The following CHRFAM7A variants were observed in gnomAD, a reference collection of about 807,000 sequenced individuals.
CHRFAM7A encodes CHRNA7 (exons 5-10) and FAM7A (exons A-E) fusion.
Under a neutral mutation model 29.2 loss-of-function variants are expected in CHRFAM7A, and 3 were observed. That is an observed-to-expected ratio of 0.10 (90% CI 0.05 to 0.27). The LOEUF (loss-of-function observed/expected upper bound fraction) is 0.27. Ranked by LOEUF, CHRFAM7A falls within the 10% of genes least tolerant of loss-of-function variation. The probability of loss-of-function intolerance (pLI) is 1.00; values close to 1 mark genes in which losing one functional copy is unlikely to be tolerated. For synonymous variants in CHRFAM7A, 7 were observed against 135.4 expected (o/e 0.05, Z 6.58); for missense variants, 22 against 328.0 (o/e 0.07, Z 7.21).
At chr15:30,373,239 C>G in intron 5 of CHRFAM7A, 94 bp from the exon 6 acceptor site, 1 of 1,442,102 alleles carries the variant, frequency 6.9e-7, no homozygotes. Context: ...CCGCCCTCCG[C>G]ACTGCAGCTA....
intron 5 of CHRFAM7A, among the ~76,000 whole-genome samples, chr15:30,375,774 TGTGA>T (rs1314337647): frequency 6.7e-6 from 1 of 150,128 alleles, no homozygotes. Context: ...GTGAGTGGTG[TGTGA>T]GTGTTGAGTC....
chr15:30,362,982 C>T (rs1228153483), intron 9 of CHRFAM7A, among the ~76,000 whole-genome samples, 171 bp from the exon 10 acceptor site: 2 of 151,126 alleles, frequency 1.3e-5, no homozygotes, highest in African/African-American at 2.5e-5. Flanking sequence ...GACAAGCAGT[C>T]GAGTTCAACG....
chr15:30,376,194 C>G (rs1595510251), intron 5 of CHRFAM7A, among the ~76,000 whole-genome samples: 2 of 136,270 alleles, frequency 1.5e-5, no homozygotes, highest in African/African-American at 2.9e-5. Flanking sequence ...GTGTGAGTGG[C>G]TGTGAGTGGT....
chr15:30,377,603 C>T (rs2058946477), intron 4 of CHRFAM7A, among the ~76,000 whole-genome samples: 1 of 125,392 alleles, frequency 8.0e-6, no homozygotes, highest in African/African-American at 3.0e-5. Context: ...GAGACAGAGT[C>T]TTGCTGTGTT....
At chr15:30,366,695 T>C (rs2058785855) in intron 9 of CHRFAM7A, among the ~76,000 whole-genome samples, 1 of 151,476 alleles carries the variant, frequency 6.6e-6, no homozygotes, top group African/African-American at 2.4e-5. Flanking sequence ...ACACAGCTCA[T>C]TCTGTTTCTT....
intron 9 of CHRFAM7A, among the ~76,000 whole-genome samples, chr15:30,363,309 G>C (rs2058761631): frequency 6.7e-6 from 1 of 148,362 alleles, no homozygotes; most frequent in African/African-American, 2.5e-5. Context: ...CTTGAAGCTT[G>C]AAGCAGTTCA....
chr15:30,388,962 A>G (rs1440342123), intron 1 of CHRFAM7A, among the ~76,000 whole-genome samples: 1 of 75,818 alleles, frequency 1.3e-5, no homozygotes, highest in Non-Finnish European at 2.6e-5. Flanking sequence ...GTAATAGAAT[A>G]AAAAGTATCA....
intron 5 of CHRFAM7A, among the ~76,000 whole-genome samples, chr15:30,375,899 TGTGAGTGGTTG>T (rs2058925944): frequency 7.7e-6 from 1 of 129,410 alleles, no homozygotes; most frequent in Non-Finnish European, 1.7e-5. Flanking sequence ...GTGGGTGGTA[TGTGAGTGGTTG>T]TGTGAGTGGT....
chr15:30,367,118 C>T (rs1342367467), intron 9 of CHRFAM7A, among the ~76,000 whole-genome samples: 1 of 150,460 alleles, frequency 6.6e-6, no homozygotes, highest in African/African-American at 2.4e-5. Context: ...CCCATCTCTA[C>T]TAAAAATACA....
At position 30,377,327 on chromosome 15, in the gene CHRFAM7A, T is replaced by TC. The variant is rs2058941121; in HGVS notation, c.81-219dup. ...CCAGTGTCTACCCCCATTTCAATTT[T>TC]CACACAGAACTGGTGATTTTTCTCA... On this transcript the variant is annotated intron_variant, in intron 4 of 9. Transcript: ENST00000299847. Among the ~76,000 whole-genome samples the TC allele has an allele frequency of 1.9e-4, 2 of 10,640 alleles. 1 individual carries two copies. Among genetic ancestry groups the TC allele is most frequent in the African/African-American group, 2.0e-4 (2 of 9,778 alleles). The allele number at this position is 10,640 out of a possible 152,430, so 7.0% of individuals were successfully genotyped here. A position where few individuals can be genotyped will look rare whatever the true frequency, so the allele number is the denominator to read the frequency against.
chr15:30,363,043 C>T (rs1283055294), intron 9 of CHRFAM7A, among the ~76,000 whole-genome samples: 14 of 151,550 alleles, frequency 9.2e-5, no homozygotes, highest in African/African-American at 2.0e-4. Flanking sequence ...AATTGTTCTC[C>T]GGGGCAGGCA....
At chr15:30,373,961 C>T (rs1469998878) in intron 5 of CHRFAM7A, among the ~76,000 whole-genome samples, 2 of 139,982 alleles carry the variant, frequency 1.4e-5, no homozygotes, top group African/African-American at 5.4e-5. Context: ...TAGAATCTGT[C>T]TGTAAGAAAA....
rs1337522542 is a variant in CHRFAM7A, at chr15:30,375,928, T to A, written c.160+1102A>T. On this transcript the variant is annotated intron_variant, in intron 5 of 9. Coordinates refer to ENST00000299847, the MANE Select transcript of CHRFAM7A (RefSeq NM_139320.2). ...AGTGGTTGTGTGAGTGGTGTGTGTG[T>A]TGAGTCGTGTGGGTGGTATGTGAGT... Among the ~76,000 whole-genome samples the A allele has an allele frequency of 2.2e-3, 28 of 12,588 alleles. 1 individual carries two copies. Among genetic ancestry groups the A allele is most frequent in the East Asian group, 4.3e-3 (2 of 468 alleles). 8.3% of individuals were successfully genotyped at this position (12,588 alleles called of 152,430 possible).
At chr15:30,367,166 G>A (rs2058795556) in intron 9 of CHRFAM7A, among the ~76,000 whole-genome samples, 1 of 150,978 alleles carries the variant, frequency 6.6e-6, no homozygotes, top group South Asian at 2.1e-4. Flanking sequence ...GGCGCCTGTA[G>A]TCCCAGCTAC....
intron 4 of CHRFAM7A, among the ~76,000 whole-genome samples, chr15:30,377,777 T>A (rs1230036892): frequency 6.9e-6 from 1 of 145,482 alleles, no homozygotes; most frequent in Non-Finnish European, 1.5e-5. Context: ...GGGGTTTCAC[T>A]ATGTTAGCCG....
At chr15:30,375,770 G>A (rs2058922041) in intron 5 of CHRFAM7A, among the ~76,000 whole-genome samples, 1 of 150,312 alleles carries the variant, frequency 6.7e-6, no homozygotes, top group African/African-American at 2.4e-5. Context: ...TTGTGTGAGT[G>A]GTGTGTGAGT....
At chr15:30,377,551 A>G (rs1327602581) in intron 4 of CHRFAM7A, among the ~76,000 whole-genome samples, 3 of 121,762 alleles carry the variant, frequency 2.5e-5, no homozygotes, top group African/African-American at 6.1e-5. Flanking sequence ...GCGGACCCAC[A>G]CTTGGTTTGT....
chr15:30,375,619 GTGGTGTGTA>G (rs2058917886), intron 5 of CHRFAM7A, among the ~76,000 whole-genome samples: 1 of 149,574 alleles, frequency 6.7e-6, no homozygotes, highest in South Asian at 2.2e-4. Context: ...TCGTGTGTGA[GTGGTGTGTA>G]TGGTGTGTGA....
intron 5 of CHRFAM7A, among the ~76,000 whole-genome samples, chr15:30,375,767 AGTGGTGTGTGAGTGTTGAGTCGTGTGG>A (rs1437012848): frequency 7.4e-6 from 1 of 135,818 alleles, no homozygotes; most frequent in Non-Finnish European, 1.5e-5. Flanking sequence ...TATTTGTGTG[AGTGGTGTGTGAGTGTTGAGTCGTGTGG>A]GTGGTATGTG....
Sources: allele counts gnomAD v4.1 joint callset (sites outside exome capture counted in the v4.1 genomes callset), GRCh38; gene constraint gnomAD v4.1.1; transcripts MANE v1.5; gene names NCBI Gene and HGNC (gene_info 2026-07-23, HGNC 2026-07-21).